BTN3A2: variants seen among roughly 807,000 people sequenced by gnomAD.
The protein encoded by BTN3A2 is butyrophilin protein.
Under a neutral mutation model 37.6 loss-of-function variants are expected in BTN3A2, and 25 were observed. The ratio of observed to expected loss-of-function variants is 0.66; its 90% confidence interval spans 0.48 to 0.93. The LOEUF (loss-of-function observed/expected upper bound fraction) is 0.93. Among genes scored for constraint, BTN3A2 ranks in the 40% least tolerant of loss-of-function variants. The pLI is 0.00. For missense variants in BTN3A2, 266 were observed against 410.9 expected, an observed-to-expected ratio of 0.65 and a Z score of 3.05; for synonymous variants, 122 against 159.4, an observed-to-expected ratio of 0.77 and a Z score of 1.77.
At position 26,373,113 on chromosome 6, in the gene BTN3A2, A is replaced by G. The variant is rs779673521; in HGVS notation, c.916+16A>G. ...AGCCTAAGAGGTATCCAACGCAAGC[A>G]GAGAATCTAAGCTCTTGGCTTGCAT... On this transcript the variant is annotated intron_variant, in intron 6 of 10. Transcript: ENST00000377708. 6.2e-7 allele frequency: 1 copy of G among 1,612,544 alleles called. No homozygotes were observed. Among genetic ancestry groups the G allele is most frequent in the Non-Finnish European group, 8.5e-7 (1 of 1,179,962 alleles).
At chr6:26,371,447 A>AT (rs1760104042) in intron 5 of BTN3A2, among the ~76,000 whole-genome samples, 2 of 152,212 alleles carry the variant, frequency 1.3e-5, no homozygotes, top group African/African-American at 4.8e-5. Context: ...TTGGCTTATA[A>AT]TACATGATTC....
chr6:26,376,009 A>G lies in BTN3A2; in HGVS notation c.*247A>G. On this transcript the variant is annotated 3_prime_UTR_variant, in exon 11 of 11. Coordinates refer to ENST00000377708, the MANE Select transcript of BTN3A2 (RefSeq NM_007047.5). Reference sequence around the variant, plus strand: ...ATCACAAGGTCAGGAGATCAAGACCATCCTGGCTAACACGGTGAAACCCCG... The same window carrying G: ...ATCACAAGGTCAGGAGATCAAGACCGTCCTGGCTAACACGGTGAAACCCCG... 1.5e-6 allele frequency: 1 copy of G among 688,786 alleles called. No homozygotes were observed. The highest frequency in any genetic ancestry group is 2.4e-6 in the Non-Finnish European group (1 of 425,018). 42.7% of individuals were successfully genotyped at this position (688,786 alleles called of 1,614,324 possible).
In BTN3A2 at chr6:26,370,552, A is replaced by G; in HGVS notation, c.664A>G (p.Ile222Val). 3.1e-6 allele frequency: 5 copies of G among 1,614,184 alleles called. No homozygotes were observed. The highest frequency in any genetic ancestry group is 4.2e-6 in the Non-Finnish European group (5 of 1,180,022). Residue 222 changes from isoleucine (I) to valine (V), a missense_variant, in exon 5 of 11, where the codon ATC (isoleucine) becomes GTC (valine). Physicochemically the swap from Ile to Val is conservative, Grantham distance 29 (BLOSUM62 3). Coordinates refer to ENST00000377708, the MANE Select transcript of BTN3A2 (RefSeq NM_007047.5). ...GGSGEGVSCI[I>V]RNSLLGLEKT... The stretch of plus-strand genomic sequence containing the variant: ...CTCCGGGGAGGGTGTATCCTGCATC[A>G]TCAGAAATTCCCTCCTCGGCCTGGA...
chr6:26,366,772 A>G (rs1762104220), intron 1 of BTN3A2, among the ~76,000 whole-genome samples: 1 of 152,186 alleles, frequency 6.6e-6, no homozygotes, highest in Admixed American at 6.5e-5. Context: ...CCTTGTTCTC[A>G]GAGGCCATTC....
At position 26,370,524 on chromosome 6, in the gene BTN3A2, C is replaced by A; in HGVS notation, c.636C>A (p.Gly212=). The A allele has an allele frequency of 6.2e-7, 1 of 1,614,222 alleles. No individual in the cohort carries two copies. Among genetic ancestry groups the A allele is most frequent in the Non-Finnish European group, 8.5e-7 (1 of 1,180,034 alleles). The change falls in exon 5 of 11, where the codon GGC becomes GGA. Residue 212 remains glycine (G), a synonymous_variant. Coordinates refer to ENST00000377708, the MANE Select transcript of BTN3A2 (RefSeq NM_007047.5). ...TAGCAGCATCTGTGATCATGAGAGG[C>A]GGCTCCGGGGAGGGTGTATCCTGCA... The part of the protein sequence containing the change: ...YEVAASVIMR[G]GSGEGVSCII...
At chr6:26,375,767 G>A in intron 10 of BTN3A2, 30 bp from the exon 11 acceptor site, 1 of 1,549,774 alleles carries the variant, frequency 6.5e-7, no homozygotes, top group South Asian at 1.2e-5. Context: ...TACAGCGCTA[G>A]AGATTCATAT....
intron 9 of BTN3A2, 186 bp downstream of exon 9, chr6:26,374,559 C>A: frequency 3.6e-6 from 3 of 838,482 alleles, no homozygotes; most frequent in Non-Finnish European, 3.8e-6. Context: ...TAAAGCCTGG[C>A]CATGCATCCT....
Position 26,370,371 on chromosome 6 carries a change from G to A in BTN3A2, c.483G>A (p.Gly161=). 1.2e-6 allele frequency: 2 copies of A among 1,614,146 alleles called. No individual in the cohort carries two copies. Among genetic ancestry groups the A allele is most frequent in the South Asian group, 1.1e-5 (1 of 91,086 alleles). Residue 161 remains glycine (G), a synonymous_variant, in exon 5 of 11, where the codon GGG becomes GGA. Coordinates refer to ENST00000377708, the MANE Select transcript of BTN3A2 (RefSeq NM_007047.5). The part of the protein sequence containing the change: ...HVEVKGYEDG[G]IHLECRSTGW... ...AAGTGAAGGGTTATGAGGATGGAGG[G>A]ATCCATCTGGAGTGCAGGTCCACCG...
chr6:26,376,170 G>A lies in BTN3A2; in HGVS notation c.*408G>A, dbSNP rs187102646. Reference sequence around the variant, plus strand: ...AGAGCTTGCAGTGAGCCGAGATCACGCCACTGCACTCCAGCCTGGGAGACA... The same window carrying A: ...AGAGCTTGCAGTGAGCCGAGATCACACCACTGCACTCCAGCCTGGGAGACA... On this transcript the variant is annotated 3_prime_UTR_variant, in exon 11 of 11. Transcript: ENST00000377708. The A allele has an allele frequency of 8.5e-4, 134 of 157,552 alleles. 2 individuals carry two copies. The Admixed American group carries it at 8.9e-3, about 10-fold the overall frequency. The allele number at this position is 157,552 out of a possible 1,614,324, so 9.8% of individuals were successfully genotyped here.
chr6:26,374,119 C>G, intron 8 of BTN3A2: 1 of 485,476 alleles, frequency 2.1e-6, no homozygotes, highest in Non-Finnish European at 3.6e-6. Flanking sequence ...AGCGTTCAAC[C>G]GATGTTCCCA....
At chr6:26,372,121 G>C (rs7765566) in intron 5 of BTN3A2, among the ~76,000 whole-genome samples, 2 of 152,156 alleles carry the variant, frequency 1.3e-5, no homozygotes, top group African/African-American at 4.8e-5. Context: ...TACTAATATG[G>C]AAAGATCTCC....
At position 26,374,290 on chromosome 6, in the gene BTN3A2, G is replaced by C. The variant is rs746053530; in HGVS notation, c.965-37G>C. On this transcript the variant is annotated intron_variant, in intron 8 of 10. Transcript: ENST00000377708. The stretch of plus-strand genomic sequence containing the variant: ...GGAAGGGGCCAACACAGAAAAGGCA[G>C]AGTTCTGGTGACACCTCTACCTTTC... 7 of 1,546,132 alleles carry C rather than the reference G, an allele frequency of 4.5e-6. No homozygotes were observed. The South Asian group carries it at 6.7e-5, about 15-fold the overall frequency.
intron 10 of BTN3A2, 54 bp downstream of exon 10, chr6:26,374,852 T>G: frequency 1.4e-6 from 2 of 1,455,458 alleles, no homozygotes; most frequent in South Asian, 2.5e-5. Flanking sequence ...ACTATATTCC[T>G]TTTTCCTTTT....
chr6:26,369,425 T>C (rs1171845607), intron 4 of BTN3A2, among the ~76,000 whole-genome samples: 7 of 152,176 alleles, frequency 4.6e-5, no homozygotes, highest in Non-Finnish European at 1.0e-4. Context: ...TGGCGGGGTC[T>C]CAGTAAGAAG....
At chr6:26,371,094 C>T (rs1260426985) in intron 5 of BTN3A2, among the ~76,000 whole-genome samples, 1 of 152,034 alleles carries the variant, frequency 6.6e-6, no homozygotes, top group African/African-American at 2.4e-5. Flanking sequence ...AACTCCATCT[C>T]TTCTAAAAAT....
At chr6:26,371,198 G>T (rs72841517) in intron 5 of BTN3A2, among the ~76,000 whole-genome samples, 1 of 152,224 alleles carries the variant, frequency 6.6e-6, no homozygotes, top group Non-Finnish European at 1.5e-5. Flanking sequence ...GGAGGCAGAC[G>T]TTGCAGTGAG....
In BTN3A2 at chr6:26,368,649, C is replaced by G. The variant is rs755728551; in HGVS notation, c.170C>G (p.Thr57Ser). The G allele has an allele frequency of 6.2e-7, 1 of 1,613,930 alleles. No homozygotes were observed. The highest frequency in any genetic ancestry group is 1.3e-5 in the African/African-American group (1 of 74,952). Residue 57 changes from threonine (T) to serine (S), a missense_variant, in exon 4 of 11, where the codon ACC (threonine) becomes AGC (serine). By Grantham distance (58) the Thr-to-Ser change is moderately conservative. Transcript: ENST00000377708. ...GATCTGCCCTGTCACCTGTTCCCGA[C>G]CATGAGTGCAGAGACCATGGAGCTG... Reference protein sequence around the residue: ...DADLPCHLFPTMSAETMELKW... With the variant: ...DADLPCHLFPSMSAETMELKW...
chr6:26,370,191 CACACTTTTGTAA>C, intron 4 of BTN3A2, 119 bp from the exon 5 acceptor site: 1 of 1,255,804 alleles, frequency 8.0e-7, no homozygotes, highest in Non-Finnish European at 1.1e-6. Context: ...TCATCATGAC[CACACTTTTGTAA>C]ACAGCTCCTG....
chr6:26,368,869 T>C lies in BTN3A2; in HGVS notation c.390T>C (p.Asp130=). 6.3e-7 allele frequency: 1 copy of C among 1,592,846 alleles called. No homozygotes were observed. Among genetic ancestry groups the C allele is most frequent in the East Asian group, 2.3e-5 (1 of 44,414 alleles). Residue 130 remains aspartate, a synonymous_variant, in exon 4 of 11, where the codon GAT becomes GAC. Transcript: ENST00000377708. ...DSGKYLCYFQ[D]GDFYEKALVE... ...GAAAGTACTTGTGTTATTTCCAAGA[T>C]GGTGACTTCTATGAAAAAGCCCTGG...
Sources: allele counts gnomAD v4.1 joint callset (sites outside exome capture counted in the v4.1 genomes callset), GRCh38; gene constraint gnomAD v4.1.1; transcripts MANE v1.5; gene names NCBI Gene and HGNC (gene_info 2026-07-23, HGNC 2026-07-21).